Variants in FANCA observed in about 807,000 individuals in gnomAD.
FANCA encodes the protein Fanconi anemia group A protein.
FANCA carries 236 observed loss-of-function variants against 194.3 expected under a neutral mutation model. The ratio of observed to expected loss-of-function variants is 1.21; its 90% CI spans 1.09 to 1.35. The LOEUF (loss-of-function observed/expected upper bound fraction) is 1.35. Among genes scored for constraint, FANCA ranks in the 40% most tolerant of loss-of-function variants. The probability of loss-of-function intolerance (pLI) is 0.00; values close to 1 mark genes in which losing one functional copy is unlikely to be tolerated. For missense variants in FANCA, 2,628 were observed against 1,813.9 expected, an observed-to-expected ratio of 1.45 and a Z score of -8.15; for synonymous variants, 1,014 against 715.8, an observed-to-expected ratio of 1.42 and a Z score of -6.65.
At chr16:89,785,371 A>T (rs901535636) in intron 14 of FANCA, among the ~76,000 whole-genome samples, 1 of 152,228 alleles carries the variant, frequency 6.6e-6, no homozygotes, top group Non-Finnish European at 1.5e-5. Context: ...GTTTGTGCAC[A>T]GCAAACAAAT....
chr16:89,797,475 C>G (rs936165945), intron 10 of FANCA, among the ~76,000 whole-genome samples: 1 of 152,228 alleles, frequency 6.6e-6, no homozygotes, highest in Non-Finnish European at 1.5e-5. Flanking sequence ...CGTGGAGATT[C>G]ACTTCTCAGC....
intron 21 of FANCA, among the ~76,000 whole-genome samples, chr16:89,775,311 G>A (rs1401617262): frequency 1.3e-5 from 2 of 152,132 alleles, no homozygotes; most frequent in Admixed American, 1.3e-4. Flanking sequence ...CTCCCCACAG[G>A]CCAAAAGAGC....
chr16:89,778,650 A>AG (rs2039597152), intron 20 of FANCA, 151 bp downstream of exon 20: 2 of 661,424 alleles, frequency 3.0e-6, no homozygotes, highest in Admixed American at 5.9e-5. Flanking sequence ...AAAAAAAAAA[A>AG]AAAAAAAGTA....
intron 31 of FANCA, among the ~76,000 whole-genome samples, chr16:89,750,751 A>C (rs1170636777): frequency 2.0e-5 from 3 of 152,018 alleles, no homozygotes; most frequent in Non-Finnish European, 4.4e-5. Flanking sequence ...CCAGAGCAAG[A>C]CTCTGTCTCA....
intron 14 of FANCA, among the ~76,000 whole-genome samples, chr16:89,786,805 A>G (rs561337684): frequency 1.2e-4 from 18 of 152,342 alleles, no homozygotes; most frequent in African/African-American, 4.3e-4. Flanking sequence ...TGTCAGTTAA[A>G]AATTTAAATA....
At chr16:89,797,677 G>A (rs950176899) in intron 10 of FANCA, among the ~76,000 whole-genome samples, 9 of 152,120 alleles carry the variant, frequency 5.9e-5, no homozygotes, top group South Asian at 4.1e-4. Context: ...TCAGGAGTTC[G>A]AGACCAGCCT....
intron 30 of FANCA, among the ~76,000 whole-genome samples, chr16:89,752,768 G>A (rs1203351793): frequency 6.6e-6 from 1 of 152,200 alleles, no homozygotes; most frequent in Non-Finnish European, 1.5e-5. Context: ...AGGGCTCCTT[G>A]GTCTAGCGGT....
chr16:89,745,177 C>T (rs2038339171), intron 35 of FANCA, 106 bp from the exon 36 acceptor site: 1 of 1,048,760 alleles, frequency 9.5e-7, no homozygotes, highest in Non-Finnish European at 1.4e-6. Flanking sequence ...ACTACAGGCC[C>T]ACACTCGCCC....
intron 2 of FANCA, 100 bp from the exon 3 acceptor site, chr16:89,814,713 T>C: frequency 2.4e-6 from 2 of 820,256 alleles, no homozygotes; most frequent in Non-Finnish European, 4.2e-6. Context: ...GAGGCCGAGA[T>C]GGGCAGATCA....
intron 15 of FANCA, among the ~76,000 whole-genome samples, chr16:89,784,026 G>A (rs1408434982): frequency 4.6e-5 from 7 of 151,968 alleles, no homozygotes. Flanking sequence ...CTCCAAAAGT[G>A]CTGGGTTACA....
At chr16:89,801,233 A>G (rs562225425) in intron 8 of FANCA, among the ~76,000 whole-genome samples, 20 of 149,376 alleles carry the variant, frequency 1.3e-4, no homozygotes, top group Non-Finnish European at 2.5e-4. Context: ...AGTCCCAGCT[A>G]TTCAGGAGGC....
At chr16:89,779,074 G>C (rs377663743) in intron 18 of FANCA, 71 bp from the exon 19 acceptor site, 2 of 1,456,730 alleles carry the variant, frequency 1.4e-6, no homozygotes, top group Non-Finnish European at 1.9e-6. Flanking sequence ...ACGGTGACCG[G>C]TGTTTCAGAG....
intron 26 of FANCA, among the ~76,000 whole-genome samples, chr16:89,769,335 G>A (rs943991994): frequency 2.6e-5 from 4 of 152,168 alleles, no homozygotes; most frequent in Non-Finnish European, 5.9e-5. Context: ...CCTGTGCGTG[G>A]CAGCTGCAGG....
intron 14 of FANCA, among the ~76,000 whole-genome samples, chr16:89,787,014 C>T (rs1464919874): frequency 6.6e-6 from 1 of 152,210 alleles, no homozygotes. Flanking sequence ...AGTCCAGACC[C>T]GTCGCCAAAG....
At chr16:89,778,627 TAAAAAAAAAAAAAAAA>T (rs397693835) in intron 20 of FANCA, among the ~76,000 whole-genome samples, 158 bp downstream of exon 20, 3 of 29,932 alleles carry the variant, frequency 1.0e-4, no homozygotes, top group South Asian at 3.2e-3. Context: ...AGACTCCAAC[TAAAAAAAAAAAAAAAA>T]AAAAAAAAAA....
Position 89,738,789 on chromosome 16 carries a change from C to G in FANCA, c.4261-81G>C, listed in dbSNP as rs750141209. 3.1e-6 allele frequency: 5 copies of G among 1,612,964 alleles called. No individual in the cohort carries two copies. In the African/African-American group the frequency reaches 4.0e-5, roughly 13 times the overall value. On this transcript the variant is annotated intron_variant, in intron 42 of 42. Coordinates refer to ENST00000389301, the MANE Select transcript of FANCA (RefSeq NM_000135.4). The stretch of plus-strand genomic sequence containing the variant: ...GGGGAGGGGCTCTGGCAGAAATAGT[C>G]GAGTTGTATTGCCAGCCAGGCAGGC...
intron 31 of FANCA, among the ~76,000 whole-genome samples, chr16:89,750,509 C>T (rs921775585): frequency 1.4e-5 from 2 of 145,210 alleles, no homozygotes; most frequent in Non-Finnish European, 3.0e-5. Context: ...AAAAAAACAG[C>T]CAGGTATGGT....
intron 5 of FANCA, among the ~76,000 whole-genome samples, chr16:89,809,996 A>G (rs1390579386): frequency 6.6e-6 from 1 of 152,062 alleles, no homozygotes; most frequent in Non-Finnish European, 1.5e-5. Context: ...ACTGCACTCC[A>G]GCCTGGGCGG....
intron 5 of FANCA, among the ~76,000 whole-genome samples, chr16:89,810,194 T>G (rs1208119065): frequency 2.1e-5 from 3 of 140,510 alleles, no homozygotes; most frequent in East Asian, 4.4e-4. Flanking sequence ...GTGGTGGCAG[T>G]CACCTGTAGT....
Sources: gnomAD v4.1 joint callset for allele counts (sites outside exome capture counted in the v4.1 genomes callset) on GRCh38, gnomAD v4.1.1 for gene constraint, MANE v1.5 for transcripts, NCBI Gene and HGNC (gene_info 2026-07-23, HGNC 2026-07-21) for gene names.